PCDHA8: variants seen among roughly 807,000 people sequenced by gnomAD.
The protein encoded by PCDHA8 is protocadherin alpha-8.
A neutral mutation model predicts 61.8 loss-of-function variants in PCDHA8; 53 were observed. The ratio of observed to expected loss-of-function variants is 0.86; its 90% CI spans 0.69 to 1.08. The LOEUF is 1.08. PCDHA8 is among the 50% of genes least tolerant of loss of function. The pLI, the probability that PCDHA8 is intolerant of heterozygous loss-of-function variation, is 0.00. For synonymous variants in PCDHA8, 618 were observed against 556.6 expected (o/e 1.11, Z -1.55); for missense variants, 1,293 against 1,245.0 (o/e 1.04, Z -0.58).
chr5:140,985,357 C>T (rs577732404), intron 3 of PCDHA8, among the ~76,000 whole-genome samples: 1 of 152,298 alleles, frequency 6.6e-6, no homozygotes, highest in East Asian at 1.9e-4. Flanking sequence ...TATAGACCCT[C>T]TGAGGTTATC....
intron 1 of PCDHA8, among the ~76,000 whole-genome samples, chr5:140,949,414 C>G (rs887325816): frequency 6.6e-6 from 1 of 151,940 alleles, no homozygotes; most frequent in Non-Finnish European, 1.5e-5. Context: ...CACCTATCAT[C>G]ATTGTGTTTA....
chr5:140,939,090 A>C (rs1563171940), intron 1 of PCDHA8, among the ~76,000 whole-genome samples: 1 of 152,192 alleles, frequency 6.6e-6, no homozygotes, highest in Non-Finnish European at 1.5e-5. Flanking sequence ...GGGTGGCTTA[A>C]AAACAATAGA....
Position 140,848,545 on chromosome 5 carries a change from C to A in PCDHA8, c.2394+4830C>A. On this transcript the variant is annotated intron_variant, in intron 1 of 3. Coordinates refer to ENST00000531613, the MANE Select transcript of PCDHA8 (RefSeq NM_018911.3). ...CCAGAGGGTCAGCCTCTACTGCTCT[C>A]GCTTCTGATCCTCGCAATGTGGGTG... is the stretch of plus-strand genomic sequence containing the variant. 4 of 1,595,440 alleles carry A rather than the reference C, an allele frequency of 2.5e-6. 1 individual carries two copies. Among genetic ancestry groups the A allele is most frequent in the Non-Finnish European group, 3.4e-6 (4 of 1,165,436 alleles).
At chr5:140,888,443 A>C (rs1374471673) in intron 1 of PCDHA8, among the ~76,000 whole-genome samples, 2 of 152,172 alleles carry the variant, frequency 1.3e-5, no homozygotes, top group Non-Finnish European at 2.9e-5. Context: ...GCCGCCCAAC[A>C]ATAAAGAATT....
intron 1 of PCDHA8, among the ~76,000 whole-genome samples, chr5:140,890,919 G>A (rs181566078): frequency 3.0e-4 from 46 of 152,178 alleles, no homozygotes; most frequent in Admixed American, 9.2e-4. Flanking sequence ...TAATTTGAGA[G>A]TTTCCTTTAG....
intron 1 of PCDHA8, chr5:140,849,920 C>T (rs2041223801): frequency 6.3e-7 from 1 of 1,598,270 alleles, no homozygotes; most frequent in Non-Finnish European, 8.6e-7. Flanking sequence ...GCCACATCTT[C>T]ACGGTGTCTG....
intron 3 of PCDHA8, among the ~76,000 whole-genome samples, chr5:140,984,330 A>C (rs2097097334): frequency 6.6e-6 from 1 of 152,204 alleles, no homozygotes; most frequent in Admixed American, 6.5e-5. Context: ...CAAATGTGGA[A>C]TAGGAACCAT....
At chr5:140,996,302 CAA>C (rs2097720989) in intron 3 of PCDHA8, among the ~76,000 whole-genome samples, 1 of 152,274 alleles carries the variant, frequency 6.6e-6, no homozygotes, top group Non-Finnish European at 1.5e-5. Flanking sequence ...CAGATTGTAA[CAA>C]AGTAAGGGGG....
Position 140,843,511 on chromosome 5 carries a change from C to T in PCDHA8, c.2190C>T (p.Gly730=). The T allele has an allele frequency of 6.3e-7, 1 of 1,595,668 alleles. No homozygotes were observed. Among genetic ancestry groups the T allele is most frequent in the Non-Finnish European group, 8.6e-7 (1 of 1,165,462 alleles). ...ALRCSALPTE[G]GCRAGKPTLV... is the part of the protein sequence containing the mutation. ...GGTGCTCAGCACTGCCCACTGAGGG[C>T]GGGTGCCGGGCGGGCAAGCCCACTC... Residue 730 remains glycine (G), a synonymous_variant, in exon 1 of 4, where the codon GGC becomes GGT. Transcript: ENST00000531613.
chr5:140,870,905 G>T (rs2052526417), intron 1 of PCDHA8: 1 of 1,613,958 alleles, frequency 6.2e-7, no homozygotes, highest in Non-Finnish European at 8.5e-7. Context: ...GCGGACTCAG[G>T]CTACAACGCG....
chr5:140,883,330 T>G, intron 1 of PCDHA8: 3 of 1,614,182 alleles, frequency 1.9e-6, no homozygotes, highest in Middle Eastern at 1.6e-4. Flanking sequence ...CCATCACTTC[T>G]TTGTCACTCC....
At chr5:140,911,051 G>C (rs566300992) in intron 1 of PCDHA8, among the ~76,000 whole-genome samples, 1 of 152,100 alleles carries the variant, frequency 6.6e-6, no homozygotes, top group East Asian at 1.9e-4. Flanking sequence ...CAGGGGTGGT[G>C]GGGGGTGGGT....
chr5:140,922,085 AT>A (rs1453055437), intron 1 of PCDHA8, among the ~76,000 whole-genome samples: 1 of 152,194 alleles, frequency 6.6e-6, no homozygotes, highest in Non-Finnish European at 1.5e-5. Context: ...AAAAAGTGGT[AT>A]TTCTACCAAC....
At chr5:140,989,105 T>A (rs550881823) in intron 3 of PCDHA8, 1 of 152,350 alleles carries the variant, frequency 6.6e-6, no homozygotes, top group Non-Finnish European at 1.5e-5. Context: ...GAAACAACTT[T>A]TGAATATATC....
intron 1 of PCDHA8, among the ~76,000 whole-genome samples, chr5:140,947,190 C>T (rs1292127049): frequency 6.6e-6 from 1 of 151,120 alleles, no homozygotes; most frequent in Non-Finnish European, 1.5e-5. Flanking sequence ...TGGTATACTA[C>T]ACAGCCTTAA....
At chr5:141,002,174 C>T (rs2098063920) in intron 3 of PCDHA8, among the ~76,000 whole-genome samples, 1 of 152,224 alleles carries the variant, frequency 6.6e-6, no homozygotes, top group Non-Finnish European at 1.5e-5. Context: ...AGGCAGGCTC[C>T]AGAGTGCTGT....
rs140727388 is a variant in PCDHA8, at chr5:140,974,245, C to G, written c.2395-4704C>G. Among the ~76,000 whole-genome samples, 191 of 152,268 alleles carry G rather than the reference C, an allele frequency of 1.3e-3. 1 individual carries two copies. The highest frequency in any genetic ancestry group is 4.3e-3 in the African/African-American group (179 of 41,572). Reference sequence around the variant, plus strand: ...ATCTTAGTTCCTTGGCATATAAGCACCATCAGTTCCTTTCTGGCCTTCCAG... The same window carrying G: ...ATCTTAGTTCCTTGGCATATAAGCAGCATCAGTTCCTTTCTGGCCTTCCAG... On this transcript the variant is annotated intron_variant, in intron 1 of 3. Transcript: ENST00000531613.
intron 3 of PCDHA8, among the ~76,000 whole-genome samples, chr5:140,999,252 T>C (rs1474093411): frequency 1.3e-5 from 2 of 152,204 alleles, no homozygotes; most frequent in African/African-American, 4.8e-5. Flanking sequence ...GGGAGTTGGA[T>C]TAGTAAAGGA....
chr5:140,871,372 G>A lies in PCDHA8; in HGVS notation c.2394+27657G>A. 7 of 1,614,234 alleles carry A rather than the reference G, an allele frequency of 4.3e-6. No homozygotes were observed. The highest frequency in any genetic ancestry group is 5.9e-6 in the Non-Finnish European group (7 of 1,180,036). On this transcript the variant is annotated intron_variant, in intron 1 of 3. Coordinates refer to ENST00000531613, the MANE Select transcript of PCDHA8 (RefSeq NM_018911.3). Reference sequence around the variant, plus strand: ...ATACTCGCAGCAGAGGCGGCAGAGGGTGTGCTCTGAGGAGGGCCCACCTAA... The same window carrying A: ...ATACTCGCAGCAGAGGCGGCAGAGGATGTGCTCTGAGGAGGGCCCACCTAA...
Sources: gnomAD v4.1 joint callset for allele counts (sites outside exome capture counted in the v4.1 genomes callset) on GRCh38, gnomAD v4.1.1 for gene constraint, MANE v1.5 for transcripts, NCBI Gene and HGNC (gene_info 2026-07-23, HGNC 2026-07-21) for gene names.